The following ASB14 variants were observed in gnomAD, a reference collection of about 807,000 sequenced individuals.
ASB14 encodes the protein ankyrin repeat and SOCS box containing 14.
In ASB14, 63 loss-of-function variants were observed where a neutral mutation model predicts 55.6. That is an observed-to-expected ratio of 1.13 (90% CI 0.92 to 1.40). ASB14 has a LOEUF of 1.40. ASB14 is among the 40% of genes most tolerant of loss of function. The pLI is 0.00. For missense variants in ASB14, 724 were observed against 710.4 expected (o/e 1.02, Z -0.22); for synonymous variants, 256 against 259.9 (o/e 0.98, Z 0.15).
At chr3:57,279,719 T>C (rs1404927831) in intron 7 of ASB14, among the ~76,000 whole-genome samples, 3 of 152,024 alleles carry the variant, frequency 2.0e-5, no homozygotes, top group African/African-American at 4.8e-5. Context: ...ATTAAAATTA[T>C]AGAAAGAAGC....
At chr3:57,290,046 C>T (rs1457328574) in intron 2 of ASB14, among the ~76,000 whole-genome samples, 1 of 152,182 alleles carries the variant, frequency 6.6e-6, no homozygotes, top group Non-Finnish European at 1.5e-5. Flanking sequence ...TTATCTTAAA[C>T]ATTTAAACCT....
chr3:57,286,782 T>C (rs1176307223), intron 5 of ASB14, among the ~76,000 whole-genome samples: 4 of 152,200 alleles, frequency 2.6e-5, no homozygotes, highest in African/African-American at 9.7e-5. Flanking sequence ...TTTTAGGAAA[T>C]CATTTTCTTG....
rs369330898 is a variant in ASB14, at chr3:57,276,741, G to T, written c.1586-13C>A. 1.3e-5 allele frequency: 21 copies of T among 1,598,524 alleles called. No homozygotes were observed. Among genetic ancestry groups the T allele is most frequent in the Admixed American group, 1.8e-5 (1 of 56,668 alleles). Reference sequence around the variant, plus strand: ...GAGCGAGGGTTTGCTAAAAAGAAAAGGCACATTATCCAAAGAGAAAAAGAA... The same window carrying T: ...GAGCGAGGGTTTGCTAAAAAGAAAATGCACATTATCCAAAGAGAAAAAGAA... On this transcript the variant is annotated splice_polypyrimidine_tract_variant and intron_variant, in intron 9 of 10. Coordinates refer to ENST00000487349, the MANE Select transcript of ASB14 (RefSeq NM_001142733.3).
chr3:57,288,708 C>CT lies in ASB14; in HGVS notation c.178+359dup, dbSNP rs747854434. Among the ~76,000 whole-genome samples the CT allele has an allele frequency of 5.6e-3, 571 of 102,354 alleles. 12 individuals are homozygous for CT. The highest frequency in any genetic ancestry group is 8.8e-3 in the African/African-American group (255 of 29,002). The allele number at this position is 102,354 out of a possible 152,430, so 67.1% of individuals were successfully genotyped here. A position where few individuals can be genotyped will look rare whatever the true frequency, so the allele number is the denominator to read the frequency against. On this transcript the variant is annotated intron_variant, in intron 3 of 10. Coordinates refer to ENST00000487349, the MANE Select transcript of ASB14 (RefSeq NM_001142733.3). Reference sequence around the variant, plus strand: ...GCCAGCCATCACCATCATATCTTTCCTTTTTTTTTTTTTTTTTTTTTTGTG... The same window carrying CT: ...GCCAGCCATCACCATCATATCTTTCCTTTTTTTTTTTTTTTTTTTTTTTGTG...
chr3:57,278,270 C>G, intron 8 of ASB14, 107 bp downstream of exon 8: 2 of 773,302 alleles, frequency 2.6e-6, no homozygotes, highest in East Asian at 5.3e-5. Context: ...ATACTAGGAT[C>G]TCTTCAACCA....
chr3:57,290,446 C>A (rs116705377), intron 2 of ASB14, among the ~76,000 whole-genome samples: 1 of 152,298 alleles, frequency 6.6e-6, no homozygotes, highest in African/African-American at 2.4e-5. Context: ...CCTGGGTAAT[C>A]CAGAGTACAC....
chr3:57,275,949 C>T (rs2060982206), intron 10 of ASB14, among the ~76,000 whole-genome samples: 2 of 152,116 alleles, frequency 1.3e-5, no homozygotes, highest in South Asian at 2.1e-4. Flanking sequence ...TTGTATGATA[C>T]GTAACTGTAG....
At chr3:57,286,274 CTT>C (rs541957246) in intron 5 of ASB14, among the ~76,000 whole-genome samples, 3 of 138,532 alleles carry the variant, frequency 2.2e-5, no homozygotes, top group East Asian at 2.1e-4. Flanking sequence ...AGTGACTTGT[CTT>C]TTTTTTTTTC....
At chr3:57,274,936 A>C (rs1286414537) in intron 10 of ASB14, among the ~76,000 whole-genome samples, 1 of 152,168 alleles carries the variant, frequency 6.6e-6, no homozygotes, top group Non-Finnish European at 1.5e-5. Context: ...ATTTCAATTG[A>C]GGGTTCTATT....
intron 9 of ASB14, among the ~76,000 whole-genome samples, chr3:57,277,262 CAA>C (rs567523418): frequency 7.4e-4 from 85 of 115,216 alleles, no homozygotes; most frequent in African/African-American, 9.8e-4. Flanking sequence ...GACTCTGTCT[CAA>C]AAAAAAAAAA....
chr3:57,284,124 GTA>G (rs55650260), intron 5 of ASB14, among the ~76,000 whole-genome samples: 65 of 147,228 alleles, frequency 4.4e-4, no homozygotes, highest in African/African-American at 1.5e-3. Flanking sequence ...GTGTGTGTGT[GTA>G]TGTATGTAAA....
chr3:57,288,122 C>G lies in ASB14; in HGVS notation c.310+33G>C, dbSNP rs573379448. 26 of 1,535,974 alleles carry G rather than the reference C, an allele frequency of 1.7e-5. No homozygotes were observed. In the African/African-American group the frequency reaches 1.9e-4, roughly 11 times the overall value. On this transcript the variant is annotated intron_variant, in intron 4 of 10. Transcript: ENST00000487349. ...AGAAATGAATGTTAAATTTATCTCTCAGAAGCATCAAGAAGAATCAAAGGG... is the reference window on the plus strand; with the variant it reads ...AGAAATGAATGTTAAATTTATCTCTGAGAAGCATCAAGAAGAATCAAAGGG...
At chr3:57,284,094 ATG>A (rs147304310) in intron 5 of ASB14, among the ~76,000 whole-genome samples, 25,966 of 136,484 alleles carry the variant, frequency 0.19, 2,560 homozygotes, top group African/African-American at 0.26. Flanking sequence ...AACACTGTGT[ATG>A]TGTGTGTGTG....
rs928220531 is a variant in ASB14, at chr3:57,268,988, G to A, written c.*653C>T. On this transcript the variant is annotated 3_prime_UTR_variant, in exon 11 of 11. Transcript: ENST00000487349. ...CATGAAATTGTAAGAGCGTGTTATG[G>A]GTTGTAGATTGACAGTAGGAATAGA... is the stretch of plus-strand genomic sequence containing the variant. The A allele has an allele frequency of 6.5e-6, 1 of 153,006 alleles. No individual in the cohort carries two copies. The highest frequency in any genetic ancestry group is 1.5e-5 in the Non-Finnish European group (1 of 68,666). The allele number at this position is 153,006 out of a possible 1,614,324, so 9.5% of individuals were successfully genotyped here.
At chr3:57,283,970 A>G (rs2061059019) in intron 5 of ASB14, among the ~76,000 whole-genome samples, 1 of 152,094 alleles carries the variant, frequency 6.6e-6, no homozygotes, top group Non-Finnish European at 1.5e-5. Flanking sequence ...TTTCTGCATT[A>G]CCACACTTTG....
At chr3:57,282,856 A>G (rs572204953) in intron 6 of ASB14, among the ~76,000 whole-genome samples, 1 of 152,306 alleles carries the variant, frequency 6.6e-6, no homozygotes, top group African/African-American at 2.4e-5. Flanking sequence ...AGGCAGAGGT[A>G]ATGTGCAGAG....
At chr3:57,288,988 G>C in intron 3 of ASB14, 80 bp downstream of exon 3, 2 of 1,141,750 alleles carry the variant, frequency 1.8e-6, no homozygotes, top group Non-Finnish European at 2.5e-6. Flanking sequence ...AAAGTACTGG[G>C]ATTACAGGCG....
intron 8 of ASB14, 67 bp downstream of exon 8, chr3:57,278,306 CTATT>C (rs1428911334): frequency 8.1e-7 from 1 of 1,241,986 alleles, no homozygotes. Context: ...TGGATGTAAT[CTATT>C]TATTGCCATA....
chr3:57,278,887 A>C lies in ASB14; in HGVS notation c.921T>G (p.Leu307=), dbSNP rs1559521273. The C allele has an allele frequency of 6.2e-7, 1 of 1,613,754 alleles. No homozygotes were observed. ...TGATCCCACTCTGCTTAATGGCAGC[A>C]AGATCCGTAACTGGAATCAGTATCT... is the stretch of plus-strand genomic sequence containing the variant. ...ALKILIPVTD[L]AAIKQSGISP... is the part of the protein sequence containing the mutation. Residue 307 remains leucine, a synonymous_variant, in exon 8 of 11, where the codon CTT becomes CTG. Coordinates refer to ENST00000487349, the MANE Select transcript of ASB14 (RefSeq NM_001142733.3).
Sources: allele counts gnomAD v4.1 joint callset (sites outside exome capture counted in the v4.1 genomes callset), GRCh38; gene constraint gnomAD v4.1.1; transcripts MANE v1.5; gene names NCBI Gene and HGNC (gene_info 2026-07-23, HGNC 2026-07-21).